The following RNF14 variants were observed in gnomAD, a reference collection of about 807,000 sequenced individuals.
RNF14 encodes the protein E3 ubiquitin-protein ligase RNF14.
Under a neutral mutation model 52.6 loss-of-function variants are expected in RNF14, and 26 were observed. The observed-to-expected ratio is 0.49, with a 90% CI of 0.36 to 0.69. The LOEUF (loss-of-function observed/expected upper bound fraction) is 0.69. RNF14 is among the 30% of genes least tolerant of loss of function. The pLI, the probability that RNF14 is intolerant of heterozygous loss-of-function variation, is 0.00. For missense variants in RNF14, 404 were observed against 560.4 expected (o/e 0.72, Z 2.82); for synonymous variants, 194 against 202.0 (o/e 0.96, Z 0.34).
chr5:141,976,804 T>C (rs1303001397), intron 4 of RNF14, among the ~76,000 whole-genome samples: 2 of 74,766 alleles, frequency 2.7e-5, no homozygotes, highest in African/African-American at 5.6e-5. Flanking sequence ...TTTTTTTTTT[T>C]TTGAGATGGA....
upstream of RNF14, among the ~76,000 whole-genome samples, chr5:141,964,456 A>ATGG (rs1186435144): frequency 3.9e-5 from 6 of 152,200 alleles, no homozygotes; most frequent in Non-Finnish European, 7.3e-5. Flanking sequence ...GATGATGATG[A>ATGG]TGGTGCTATG....
chr5:141,980,711 G>A (rs1362283198), intron 6 of RNF14, among the ~76,000 whole-genome samples: 1 of 152,184 alleles, frequency 6.6e-6, no homozygotes, highest in African/African-American at 2.4e-5. Flanking sequence ...CGGCAAAATG[G>A]TTTAAGTAAG....
In RNF14 at chr5:141,978,803, G is replaced by A. The variant is rs1239456478; in HGVS notation, c.807G>A (p.Lys269=). The A allele has an allele frequency of 6.2e-7, 1 of 1,613,860 alleles. No homozygotes were observed. The highest frequency in any genetic ancestry group is 1.1e-5 in the South Asian group (1 of 91,078). ...QVQCLNCPEP[K]CPSVATPGQV... ...AATGCCTCAACTGCCCAGAACCAAA[G>A]TGCCCTTCGGTGGCCACTCCTGGTC... The change falls in exon 5 of 9, where the codon AAG becomes AAA. Residue 269 remains lysine, a synonymous_variant. Transcript: ENST00000394520.
upstream of RNF14, chr5:141,955,393 G>A (rs756909340): frequency 9.9e-6 from 16 of 1,613,832 alleles, no homozygotes; most frequent in East Asian, 6.7e-5. The surrounding 1 kb of genome is among the most constrained non-coding windows in gnomAD (Gnocchi z 5.5). Context: ...GTACAGGGTC[G>A]GGGTGAGGTG....
At chr5:141,975,924 CAAAAA>C (rs5871799) in intron 4 of RNF14, among the ~76,000 whole-genome samples, 5 of 131,144 alleles carry the variant, frequency 3.8e-5, no homozygotes, top group Admixed American at 1.5e-4. Flanking sequence ...GACCCTGTCT[CAAAAA>C]AAAAAAAAAA....
upstream of RNF14, chr5:141,957,969 G>T: frequency 8.5e-7 from 1 of 1,181,022 alleles, no homozygotes; most frequent in Non-Finnish European, 1.2e-6. The surrounding 1 kb of genome is among the most constrained non-coding windows in gnomAD (Gnocchi z 4.3). Context: ...CAGAGCTGCC[G>T]GCACAACCTT....
chr5:141,964,780 ATTTTT>A (rs67577436), upstream of RNF14, among the ~76,000 whole-genome samples: 16 of 137,664 alleles, frequency 1.2e-4, no homozygotes, highest in East Asian at 2.1e-4. Flanking sequence ...AGCCCGGCTA[ATTTTT>A]TTTTTTTTTT....
chr5:141,954,962 C>A, upstream of RNF14: 1 of 1,602,620 alleles, frequency 6.2e-7, no homozygotes, highest in Non-Finnish European at 8.5e-7. Context: ...GCTGCCCATG[C>A]CCCAGGTACC....
At chr5:141,957,603 T>A (rs769440535), upstream of RNF14, 9 of 1,614,180 alleles carry the variant, frequency 5.6e-6, no homozygotes, top group Admixed American at 1.5e-4. The surrounding 1 kb of genome is among the most constrained non-coding windows in gnomAD (Gnocchi z 4.3). Flanking sequence ...TGAGCAAGCC[T>A]TCCTCAGAGT....
upstream of RNF14, chr5:141,969,080 C>CCGCCTGGCT (rs1753480681): frequency 6.6e-6 from 1 of 152,294 alleles, no homozygotes; most frequent in Non-Finnish European, 1.5e-5. Context: ...CCAGCGGGAT[C>CCGCCTGGCT]CGCCTGGCTC....
upstream of RNF14, chr5:141,956,334 G>A (rs1329484278): frequency 1.2e-6 from 2 of 1,614,246 alleles, no homozygotes; most frequent in South Asian, 2.2e-5. Flanking sequence ...TAGCTACTAA[G>A]TGAGCAACTG....
intron 8 of RNF14, among the ~76,000 whole-genome samples, chr5:141,987,418 C>T (rs576709911): frequency 2.6e-5 from 4 of 152,262 alleles, no homozygotes; most frequent in African/African-American, 4.8e-5. Context: ...TAACCTGCCT[C>T]GCCTCCATCT....
At position 141,988,753 on chromosome 5, in the gene RNF14, T is replaced by C. The variant is rs764963649; in HGVS notation, c.*963T>C. The C allele has an allele frequency of 6.6e-6, 1 of 152,358 alleles. No homozygotes were observed. The highest frequency in any genetic ancestry group is 2.4e-5 in the African/African-American group (1 of 41,464). The allele number at this position is 152,358 out of a possible 1,614,324, so 9.4% of individuals were successfully genotyped here. ...CATTTACCACTGTATATGCATATAG[T>C]GACAGTATAACCTGTCTATACTACA... On this transcript the variant is annotated 3_prime_UTR_variant, in exon 9 of 9. Coordinates refer to ENST00000394520, the MANE Select transcript of RNF14 (RefSeq NM_004290.5).
chr5:141,952,950 G>A, the RNF14 span: 1 of 152,272 alleles, frequency 6.6e-6, no homozygotes, highest in African/African-American at 2.4e-5. Context: ...TGGAAGAGGA[G>A]ATGGCCAGGA....
chr5:141,972,864 T>G (rs946746748), intron 2 of RNF14, among the ~76,000 whole-genome samples: 1 of 152,158 alleles, frequency 6.6e-6, no homozygotes, highest in Admixed American at 6.5e-5. Context: ...GTGTTGGGAT[T>G]ACAGGCACGA....
chr5:141,985,619 C>T (rs1485950460), intron 8 of RNF14, among the ~76,000 whole-genome samples: 1 of 152,004 alleles, frequency 6.6e-6, no homozygotes, highest in East Asian at 1.9e-4. Flanking sequence ...GCAGTGGTGC[C>T]GTCTCGGCTC....
At chr5:141,955,400 G>A (rs1753161789), upstream of RNF14, 1 of 1,613,886 alleles carries the variant, frequency 6.2e-7, no homozygotes. This position sits in a 1 kb window ranked among gnomAD's most constrained non-coding sequence, Gnocchi z 5.5. Context: ...GTCGGGGTGA[G>A]GTGGAAGGGG....
chr5:141,956,043 AGT>A, upstream of RNF14: 1 of 1,614,088 alleles, frequency 6.2e-7, no homozygotes, highest in Non-Finnish European at 8.5e-7. Context: ...GAGGTGTGTC[AGT>A]GCCCGCTGGG....
upstream of RNF14, chr5:141,958,113 A>G: frequency 2.0e-6 from 1 of 489,374 alleles, no homozygotes; most frequent in South Asian, 2.8e-5. Context: ...TAGTTGGTCC[A>G]CTTCAGCAAA....
Sources: gnomAD v4.1 joint callset for allele counts (sites outside exome capture counted in the v4.1 genomes callset) on GRCh38, gnomAD v4.1.1 for gene constraint, Gnocchi (gnomAD v3.1) non-coding constraint, MANE v1.5 for transcripts, NCBI Gene and HGNC (gene_info 2026-07-23, HGNC 2026-07-21) for gene names.